Variants in GLIS3 observed in about 807,000 individuals in gnomAD.
GLIS3 encodes the protein GLIS family zinc finger 3, also known as zinc finger protein GLIS3.
A neutral mutation model predicts 78.6 loss-of-function variants in GLIS3; 53 were observed. The ratio of observed to expected loss-of-function variants is 0.67; its 90% CI spans 0.54 to 0.85. GLIS3 has a LOEUF of 0.85. Among genes scored for constraint, GLIS3 ranks in the 40% least tolerant of loss-of-function variants. GLIS3 has a pLI of 0.00. For missense variants in GLIS3, 1,703 were observed against 1,231.1 expected (o/e 1.38, Z -5.74); for synonymous variants, 684 against 509.9 (o/e 1.34, Z -4.60).
chr9:4,265,242 G>A (rs897191704), intron 2 of GLIS3, among the ~76,000 whole-genome samples: 1 of 151,798 alleles, frequency 6.6e-6, no homozygotes, highest in Non-Finnish European at 1.5e-5. Flanking sequence ...AAGGTGATAG[G>A]AAAAGATCTG....
chr9:4,303,355 G>A (rs1362586201), upstream of GLIS3, among the ~76,000 whole-genome samples: 1 of 151,984 alleles, frequency 6.6e-6, no homozygotes, highest in East Asian at 1.9e-4. Context: ...CAACTTTAAG[G>A]GGGGAACTAA....
At chr9:3,987,931 C>T (rs541915551) in intron 4 of GLIS3, among the ~76,000 whole-genome samples, 26 of 151,688 alleles carry the variant, frequency 1.7e-4, no homozygotes, top group Admixed American at 5.2e-4. Context: ...CAGAGAAAAA[C>T]GATACATGAA....
At chr9:4,296,460 G>A (rs574235750) in intron 1 of GLIS3, among the ~76,000 whole-genome samples, 1 of 152,244 alleles carries the variant, frequency 6.6e-6, no homozygotes, top group African/African-American at 2.4e-5. Flanking sequence ...TCACCCACTA[G>A]GTGGACCTTG....
intron 2 of GLIS3, among the ~76,000 whole-genome samples, chr9:4,249,073 G>C (rs1824095829): frequency 6.6e-6 from 1 of 152,104 alleles, no homozygotes; most frequent in South Asian, 2.1e-4. Context: ...GATGTCTCCA[G>C]CTTTGTCCTT....
At chr9:4,113,542 G>C (rs549658511) in intron 4 of GLIS3, among the ~76,000 whole-genome samples, 6 of 152,108 alleles carry the variant, frequency 3.9e-5, no homozygotes, top group Non-Finnish European at 5.9e-5. Flanking sequence ...TTATGAAGTG[G>C]GGATTAAGAA....
At chr9:4,271,752 G>C (rs543181939) in intron 2 of GLIS3, among the ~76,000 whole-genome samples, 24 of 152,230 alleles carry the variant, frequency 1.6e-4, no homozygotes, top group Admixed American at 2.6e-4. Context: ...CATTGCAGTA[G>C]AAAGCACTGA....
the GLIS3 span, among the ~76,000 whole-genome samples, chr9:4,361,720 G>A: frequency 3.9e-5 from 6 of 152,150 alleles, no homozygotes; most frequent in African/African-American, 1.4e-4. Context: ...GGGAAGAGTC[G>A]GCATTAAAAG....
In GLIS3 at chr9:3,881,703, C is replaced by T. The variant is rs190902619; in HGVS notation, c.2129-2108G>A. Among the ~76,000 whole-genome samples, 39 of 152,234 alleles carry T rather than the reference C, an allele frequency of 2.6e-4. 1 individual carries two copies. The East Asian group carries it at 5.8e-3, about 23-fold the overall frequency. ...TCTGTTCACCCATCTATCATTCAGC[C>T]GTTATTTTTATATTCCATATTGATA... On this transcript the variant is annotated intron_variant, in intron 7 of 10. Coordinates refer to ENST00000381971, the MANE Select transcript of GLIS3 (RefSeq NM_001042413.2).
intron 4 of GLIS3, among the ~76,000 whole-genome samples, chr9:4,078,585 A>T (rs1298881532): frequency 2.0e-5 from 3 of 152,232 alleles, no homozygotes; most frequent in Non-Finnish European, 4.4e-5. Flanking sequence ...ATCGGGCCGC[A>T]AAAGGAAGCC....
chr9:4,006,220 C>T (rs541493380), intron 4 of GLIS3, among the ~76,000 whole-genome samples: 45 of 150,644 alleles, frequency 3.0e-4, no homozygotes, highest in Non-Finnish European at 4.9e-4. Flanking sequence ...ACGCTCCTTG[C>T]CTTGCCTGAC....
intron 8 of GLIS3, among the ~76,000 whole-genome samples, chr9:3,877,395 C>T (rs1821388751): frequency 6.6e-6 from 1 of 152,214 alleles, no homozygotes; most frequent in African/African-American, 2.4e-5. Flanking sequence ...GATTTGTTTA[C>T]ACTTTACCTT....
At chr9:3,954,075 A>C (rs1816923984) in intron 4 of GLIS3, among the ~76,000 whole-genome samples, 1 of 152,156 alleles carries the variant, frequency 6.6e-6, no homozygotes, top group Non-Finnish European at 1.5e-5. Context: ...TTTAACACTA[A>C]TCTGTTCTCC....
chr9:4,328,141 G>A (rs1239529380), intron 2 of GLIS3, among the ~76,000 whole-genome samples: 2 of 152,130 alleles, frequency 1.3e-5, no homozygotes, highest in Non-Finnish European at 2.9e-5. Context: ...GCTACCCCGG[G>A]GATCCAGTGC....
chr9:4,467,655 G>A, the GLIS3 span, among the ~76,000 whole-genome samples: 3 of 152,114 alleles, frequency 2.0e-5, no homozygotes, highest in Non-Finnish European at 2.9e-5. Flanking sequence ...AAGAACAAAG[G>A]TAGATAAAAC....
intron 2 of GLIS3, among the ~76,000 whole-genome samples, chr9:4,339,996 A>T (rs1436781146): frequency 6.6e-6 from 1 of 151,602 alleles, no homozygotes; most frequent in Non-Finnish European, 1.5e-5. Flanking sequence ...TGACCAAGAC[A>T]CAAAGACTAG....
chr9:4,282,318 T>C (rs1827631983), intron 2 of GLIS3, among the ~76,000 whole-genome samples: 1 of 152,234 alleles, frequency 6.6e-6, no homozygotes, highest in African/African-American at 2.4e-5. Flanking sequence ...AACACTACTC[T>C]GGGCATTTCT....
intron 6 of GLIS3, among the ~76,000 whole-genome samples, chr9:3,923,692 A>C (rs2130741260): frequency 6.6e-6 from 1 of 152,320 alleles, no homozygotes; most frequent in Non-Finnish European, 1.5e-5. Context: ...GATTACATGA[A>C]GAAGCTTTAT....
At chr9:3,906,805 C>T (rs1823731954) in intron 6 of GLIS3, among the ~76,000 whole-genome samples, 1 of 152,230 alleles carries the variant, frequency 6.6e-6, no homozygotes, top group Non-Finnish European at 1.5e-5. Flanking sequence ...AAGGCTAAGA[C>T]ATTAAGCACC....
At chr9:4,153,210 C>T (rs908228067) in intron 2 of GLIS3, among the ~76,000 whole-genome samples, 3 of 152,194 alleles carry the variant, frequency 2.0e-5, no homozygotes, top group Non-Finnish European at 4.4e-5. Flanking sequence ...TTATTCACTA[C>T]CTTGACAATG....
Sources: allele counts gnomAD v4.1 joint callset (sites outside exome capture counted in the v4.1 genomes callset), GRCh38; gene constraint gnomAD v4.1.1; transcripts MANE v1.5; gene names NCBI Gene and HGNC (gene_info 2026-07-23, HGNC 2026-07-21).